SLC35D4: variants seen among roughly 807,000 people sequenced by gnomAD.
SLC35D4 encodes the protein UDP-N-acetylglucosamine transporter SLC35D4.
At chr18:23,427,735 C>T in the SLC35D4 span, among the ~76,000 whole-genome samples, 18,816 of 152,168 alleles carry the variant, frequency 0.12, 1,279 homozygotes, top group Middle Eastern at 0.19. Flanking sequence ...TTTATTGCGG[C>T]ACTATTCACA....
At chr18:23,270,227 G>T in the SLC35D4 span, among the ~76,000 whole-genome samples, 1 of 152,320 alleles carries the variant, frequency 6.6e-6, no homozygotes, top group Non-Finnish European at 1.5e-5. Flanking sequence ...TACAGCTCAG[G>T]TCATGGCTTC....
the SLC35D4 span, among the ~76,000 whole-genome samples, chr18:23,348,412 C>G: frequency 2.0e-5 from 3 of 152,198 alleles, no homozygotes; most frequent in East Asian, 5.8e-4. Context: ...CTGAGTTGTT[C>G]TGTCAACTGC....
the SLC35D4 span, among the ~76,000 whole-genome samples, chr18:23,368,128 A>G: frequency 2.0e-5 from 3 of 152,204 alleles, no homozygotes; most frequent in African/African-American, 7.2e-5. Context: ...TTTAAAATGT[A>G]GAATTCTTGG....
chr18:23,423,459 T>C, the SLC35D4 span, among the ~76,000 whole-genome samples: 1 of 152,196 alleles, frequency 6.6e-6, no homozygotes, highest in Non-Finnish European at 1.5e-5. Context: ...GCGGAAGGTA[T>C]GCCACTGGAA....
the SLC35D4 span, among the ~76,000 whole-genome samples, chr18:23,401,633 C>T: frequency 6.6e-6 from 1 of 152,186 alleles, no homozygotes; most frequent in Non-Finnish European, 1.5e-5. Context: ...GCACATACTG[C>T]AGGCAGGGCA....
the SLC35D4 span, among the ~76,000 whole-genome samples, chr18:23,427,928 C>A: frequency 1.6e-4 from 25 of 152,202 alleles, no homozygotes; most frequent in African/African-American, 5.3e-4. Flanking sequence ...GACAGAAAAC[C>A]AAACACCACA....
chr18:23,256,590 C>T, the SLC35D4 span, among the ~76,000 whole-genome samples: 1 of 152,188 alleles, frequency 6.6e-6, no homozygotes, highest in Non-Finnish European at 1.5e-5. Context: ...AAGTGAGTCT[C>T]CTGCTTCAAC....
the SLC35D4 span, among the ~76,000 whole-genome samples, chr18:23,287,132 T>C: frequency 6.6e-6 from 1 of 152,118 alleles, no homozygotes; most frequent in Non-Finnish European, 1.5e-5. Context: ...TAAACTCTCC[T>C]TACAATTCCC....
chr18:23,419,599 T>C, the SLC35D4 span, among the ~76,000 whole-genome samples: 3 of 152,156 alleles, frequency 2.0e-5, no homozygotes, highest in African/African-American at 4.8e-5. Flanking sequence ...CCTAAATTTC[T>C]TTTAAACATA....
At chr18:23,348,850 C>T in the SLC35D4 span, among the ~76,000 whole-genome samples, 4 of 152,194 alleles carry the variant, frequency 2.6e-5, no homozygotes, top group African/African-American at 9.6e-5. Context: ...AATGTAATTA[C>T]GGATATGGCT....
At chr18:23,306,475 T>A in the SLC35D4 span, among the ~76,000 whole-genome samples, 292 of 152,246 alleles carry the variant, frequency 1.9e-3, 1 homozygote, top group African/African-American at 6.8e-3. Flanking sequence ...CCTGGCTAAT[T>A]TTGTATTTTT....
At chr18:23,244,913 T>C in the SLC35D4 span, among the ~76,000 whole-genome samples, 3 of 152,212 alleles carry the variant, frequency 2.0e-5, no homozygotes, top group Admixed American at 6.5e-5. Context: ...CTGGGGAAAC[T>C]TGAAGACAGG....
chr18:23,384,599 T>C, the SLC35D4 span, among the ~76,000 whole-genome samples: 3 of 152,182 alleles, frequency 2.0e-5, no homozygotes, highest in Non-Finnish European at 2.9e-5. Context: ...ATAGCTGATA[T>C]TGGAGAGAAA....
chr18:23,367,658 T>G, the SLC35D4 span, among the ~76,000 whole-genome samples: 5 of 152,172 alleles, frequency 3.3e-5, no homozygotes, highest in South Asian at 1.0e-3. Context: ...CCAAACATCA[T>G]GTGGCAGGTA....
At chr18:23,437,957 G>T in the SLC35D4 span, 1 of 1,292,496 alleles carries the variant, frequency 7.7e-7, no homozygotes, top group Non-Finnish European at 1.1e-6. Context: ...CAGCCGCCCA[G>T]AGACGGCCAC....
chr18:23,258,312 T>TATC, the SLC35D4 span: 2 of 152,656 alleles, frequency 1.3e-5, no homozygotes, highest in Non-Finnish European at 2.9e-5. Flanking sequence ...TTTACTGTGC[T>TATC]ATCTATATCG....
the SLC35D4 span, among the ~76,000 whole-genome samples, chr18:23,344,326 T>A: frequency 6.6e-6 from 1 of 152,232 alleles, no homozygotes; most frequent in South Asian, 2.1e-4. Context: ...CACATGTGCA[T>A]GTGTCTTTAT....
chr18:23,388,069 T>G, the SLC35D4 span, among the ~76,000 whole-genome samples: 1 of 152,340 alleles, frequency 6.6e-6, no homozygotes, highest in African/African-American at 2.4e-5. Flanking sequence ...TGGATCTTAC[T>G]GAATTAAGAC....
the SLC35D4 span, chr18:23,370,308 G>C: frequency 6.3e-7 from 1 of 1,597,358 alleles, no homozygotes; most frequent in Admixed American, 1.7e-5. Flanking sequence ...TTCTGCTCAA[G>C]GAGCTGCTGG....
Sources: gnomAD v4.1 joint callset for allele counts (sites outside exome capture counted in the v4.1 genomes callset) on GRCh38, gnomAD v4.1.1 for gene constraint, MANE v1.5 for transcripts, NCBI Gene and HGNC (gene_info 2026-07-23, HGNC 2026-07-21) for gene names.